The following BSCL2 variants were observed in gnomAD, a reference collection of about 807,000 sequenced individuals.
BSCL2 encodes BSCL2 lipid droplet biogenesis associated, seipin.
BSCL2 carries 41 observed loss-of-function variants against 57.4 expected under a neutral mutation model. That is an observed-to-expected ratio of 0.71 (90% CI 0.56 to 0.93). The LOEUF (loss-of-function observed/expected upper bound fraction) is 0.93, where lower values mean the gene tolerates loss of function less well. Among genes scored for constraint, BSCL2 ranks in the 40% least tolerant of loss-of-function variants. The probability of loss-of-function intolerance (pLI) is 0.00; values close to 1 mark genes in which losing one functional copy is unlikely to be tolerated. For synonymous variants in BSCL2, 237 were observed against 227.3 expected, an observed-to-expected ratio of 1.04 and a Z score of -0.38; for missense variants, 539 against 586.7, an observed-to-expected ratio of 0.92 and a Z score of 0.84.
chr11:62,705,296 C>A lies in BSCL2; in HGVS notation c.404+5G>T. ...TCCTCTATTTTGATAGAAGGCCCCT[C>A]TCACCTGTAGTAGAAATGCACAGGG... On this transcript the variant is annotated splice_donor_5th_base_variant and intron_variant, in intron 2 of 10. Coordinates refer to ENST00000360796, the MANE Select transcript of BSCL2 (RefSeq NM_001122955.4). 6.2e-7 allele frequency: 1 copy of A among 1,606,294 alleles called. No individual in the cohort carries two copies. Among genetic ancestry groups the A allele is most frequent in the Non-Finnish European group, 8.5e-7 (1 of 1,176,054 alleles).
intron 3 of BSCL2, among the ~76,000 whole-genome samples, chr11:62,700,970 G>A (rs185426962): frequency 4.0e-5 from 6 of 150,912 alleles, no homozygotes; most frequent in Non-Finnish European, 7.4e-5. Context: ...AAAAAAGAAC[G>A]TATCCTTTAT....
At chr11:62,706,218 TG>T (rs2083530381) in intron 1 of BSCL2, 2 of 1,076,286 alleles carry the variant, frequency 1.9e-6, no homozygotes, top group Non-Finnish European at 2.3e-6. Flanking sequence ...CGTGCAACCA[TG>T]GAAACCAGCC....
chr11:62,707,263 C>T lies in BSCL2; in HGVS notation c.-68G>A. 2 of 1,334,000 alleles carry T rather than the reference C, an allele frequency of 1.5e-6. No homozygotes were observed. Among genetic ancestry groups the T allele is most frequent in the Non-Finnish European group, 2.1e-6 (2 of 948,808 alleles). The allele number at this position is 1,334,000 out of a possible 1,614,324, so 82.6% of individuals were successfully genotyped here. A position where few individuals can be genotyped will look rare whatever the true frequency, so the allele number is the denominator to read the frequency against. On this transcript the variant is annotated 5_prime_UTR_variant, in exon 1 of 11. Transcript: ENST00000360796. ...CACTTGTGGCTAAAACGTGAAGTGGCGATCCAGACGCTGATACCTGTGGCG... is the reference window on the plus strand; with the variant it reads ...CACTTGTGGCTAAAACGTGAAGTGGTGATCCAGACGCTGATACCTGTGGCG...
chr11:62,693,694 C>T (rs1212258152), intron 4 of BSCL2, among the ~76,000 whole-genome samples: 1 of 152,194 alleles, frequency 6.6e-6, no homozygotes, highest in Non-Finnish European at 1.5e-5. Context: ...CCATGTCTGT[C>T]TGGCTCTAAA....
intron 3 of BSCL2, among the ~76,000 whole-genome samples, chr11:62,698,645 T>C (rs1204970972): frequency 1.3e-5 from 2 of 152,254 alleles, no homozygotes; most frequent in Non-Finnish European, 2.9e-5. Context: ...ATTTCATTCA[T>C]TAATTCATTT....
At chr11:62,706,375 G>T (rs1272867928) in intron 1 of BSCL2, 2 of 1,008,492 alleles carry the variant, frequency 2.0e-6, no homozygotes, top group Non-Finnish European at 2.5e-6. Flanking sequence ...AGCCCAGGGC[G>T]GGGTCCAGCA....
chr11:62,695,027 T>C (rs150874048), intron 3 of BSCL2, among the ~76,000 whole-genome samples: 48 of 152,346 alleles, frequency 3.2e-4, no homozygotes, highest in African/African-American at 1.1e-3. Flanking sequence ...CATCTGTGAC[T>C]CTGGCCTATG....
chr11:62,693,789 G>A (rs944308500), intron 4 of BSCL2, among the ~76,000 whole-genome samples: 1 of 151,888 alleles, frequency 6.6e-6, no homozygotes, highest in Non-Finnish European at 1.5e-5. Context: ...GTTTGGCAAA[G>A]GTTTCTGGTT....
chr11:62,705,057 T>C (rs1271797716), intron 2 of BSCL2, among the ~76,000 whole-genome samples: 1 of 150,242 alleles, frequency 6.7e-6, no homozygotes, highest in African/African-American at 2.5e-5. Context: ...CTCATAATGA[T>C]AGAAGTGGAT....
chr11:62,702,620 C>T, intron 2 of BSCL2, 71 bp from the exon 3 acceptor site: 1 of 1,281,102 alleles, frequency 7.8e-7, no homozygotes, highest in Non-Finnish European at 1.1e-6. Flanking sequence ...TTCTTTGCCC[C>T]CTAGGGCTCC....
At chr11:62,690,270 A>G, downstream of BSCL2, 2 of 1,562,340 alleles carry the variant, frequency 1.3e-6, no homozygotes, top group Non-Finnish European at 1.8e-6. Flanking sequence ...TTCAGAGTCA[A>G]GGAAGAAGCT....
intron 3 of BSCL2, among the ~76,000 whole-genome samples, chr11:62,698,131 T>A (rs111639588): frequency 1.1e-4 from 17 of 151,970 alleles, no homozygotes; most frequent in African/African-American, 4.1e-4. Flanking sequence ...ATGGTCTCCA[T>A]CTCCTGACCC....
chr11:62,706,249 G>C (rs2083531717), intron 1 of BSCL2: 1 of 1,095,904 alleles, frequency 9.1e-7, no homozygotes. Flanking sequence ...CCACAGGGCT[G>C]CCGACTCACC....
At chr11:62,701,048 G>T (rs1945624189) in intron 3 of BSCL2, among the ~76,000 whole-genome samples, 1 of 146,850 alleles carries the variant, frequency 6.8e-6, no homozygotes, top group Non-Finnish European at 1.5e-5. Context: ...GGGTTCCCAG[G>T]TTTGTTGACA....
At chr11:62,706,817 T>C (rs2083548418) in intron 1 of BSCL2, 2 of 590,280 alleles carry the variant, frequency 3.4e-6, no homozygotes. Context: ...GTGGTAGCAT[T>C]GTGGACCTCC....
upstream of BSCL2, chr11:62,709,340 G>A (rs754122733): frequency 1.8e-5 from 8 of 453,948 alleles, no homozygotes; most frequent in Non-Finnish European, 3.1e-5. Flanking sequence ...GATGGCGGGC[G>A]CGAGAGAGCG....
Position 62,691,349 on chromosome 11 carries a change from G to T in BSCL2, c.936C>A (p.Val312=). The T allele has an allele frequency of 6.2e-7, 1 of 1,614,206 alleles. No individual in the cohort carries two copies. Among genetic ancestry groups the T allele is most frequent in the Non-Finnish European group, 8.5e-7 (1 of 1,180,042 alleles). Residue 312 remains valine, a synonymous_variant, in exon 7 of 11, where the codon GTC becomes GTA. Transcript: ENST00000360796. ...ACTGCATGTAGCTGAAGAGCACGAT[G>T]ACGCTGAGGAAGGTGAAGTTGCTGG... ...GVASNFTFLS[V]IVLFSYMQWV...
At chr11:62,706,643 G>A (rs889401863) in intron 1 of BSCL2, 69 of 473,772 alleles carry the variant, frequency 1.5e-4, no homozygotes, top group African/African-American at 1.1e-3. Context: ...CCCGCGAAGC[G>A]GCCGAGTGAG....
chr11:62,702,636 GC>G, intron 2 of BSCL2, 87 bp from the exon 3 acceptor site: 1 of 1,085,468 alleles, frequency 9.2e-7, no homozygotes, highest in Non-Finnish European at 1.4e-6. Context: ...GCTCCCTCCT[GC>G]CCTCCTCCCT....
Sources: gnomAD v4.1 joint callset for allele counts (sites outside exome capture counted in the v4.1 genomes callset) on GRCh38, gnomAD v4.1.1 for gene constraint, MANE v1.5 for transcripts, NCBI Gene and HGNC (gene_info 2026-07-23, HGNC 2026-07-21) for gene names.